RPS6KC1: variants seen among roughly 807,000 people sequenced by gnomAD.
RPS6KC1 encodes inactive ribosomal protein S6 kinase delta-1.
In RPS6KC1, 54 loss-of-function variants were observed where a neutral mutation model predicts 103.8. The ratio of observed to expected loss-of-function variants is 0.52; its 90% confidence interval spans 0.42 to 0.65. RPS6KC1 has a LOEUF of 0.65. Ranked by LOEUF, RPS6KC1 falls within the 30% of genes least tolerant of loss-of-function variation. The probability of loss-of-function intolerance (pLI) is 0.00; values close to 1 mark genes in which losing one functional copy is unlikely to be tolerated. For missense variants in RPS6KC1, 1,151 were observed against 1,253.8 expected, an observed-to-expected ratio of 0.92 and a Z score of 1.24; for synonymous variants, 439 against 438.7, an observed-to-expected ratio of 1.00 and a Z score of -0.01.
At chr1:213,527,846 T>C in the RPS6KC1 span, among the ~76,000 whole-genome samples, 4 of 152,120 alleles carry the variant, frequency 2.6e-5, no homozygotes, top group Non-Finnish European at 2.9e-5. Context: ...ATAATAGAAA[T>C]AGATGATGAA....
intron 6 of RPS6KC1, among the ~76,000 whole-genome samples, chr1:213,156,441 T>TA (rs2089897610): frequency 6.6e-6 from 1 of 152,168 alleles, no homozygotes; most frequent in Non-Finnish European, 1.5e-5. Flanking sequence ...AAATAATGCC[T>TA]GAAAGCTTTC....
the RPS6KC1 span, among the ~76,000 whole-genome samples, chr1:213,639,866 A>T: frequency 0.14 from 21,303 of 149,802 alleles, 2,372 homozygotes; most frequent in African/African-American, 0.31. Flanking sequence ...TTTTTTTTTC[A>T]TGTACTGTCT....
chr1:213,645,598 C>T, the RPS6KC1 span, among the ~76,000 whole-genome samples: 1 of 152,232 alleles, frequency 6.6e-6, no homozygotes, highest in Admixed American at 6.5e-5. Flanking sequence ...TGTACCTCTC[C>T]TGGATTATAT....
the RPS6KC1 span, among the ~76,000 whole-genome samples, chr1:213,851,046 C>T: frequency 6.6e-6 from 1 of 152,066 alleles, no homozygotes. Context: ...CCAAAGTAGC[C>T]AGTCCACCTC....
At chr1:213,622,992 G>A in the RPS6KC1 span, among the ~76,000 whole-genome samples, 42 of 152,038 alleles carry the variant, frequency 2.8e-4, no homozygotes, top group Non-Finnish European at 5.9e-5. Flanking sequence ...TTAATAATAG[G>A]GCCCGTCCTA....
At chr1:213,450,009 G>A in the RPS6KC1 span, among the ~76,000 whole-genome samples, 1 of 152,170 alleles carries the variant, frequency 6.6e-6, no homozygotes, top group Non-Finnish European at 1.5e-5. Flanking sequence ...AGATTCAGCA[G>A]GAGAACAGGA....
chr1:213,301,698 C>CTTATTTATTTATTTAT, the RPS6KC1 span, among the ~76,000 whole-genome samples: 2 of 141,162 alleles, frequency 1.4e-5, no homozygotes, highest in Non-Finnish European at 3.1e-5. Context: ...GACCCATTTA[C>CTTATTTATTTATTTAT]TTATTTATTT....
At chr1:213,700,728 C>A in the RPS6KC1 span, among the ~76,000 whole-genome samples, 1 of 151,862 alleles carries the variant, frequency 6.6e-6, no homozygotes. Context: ...TCTTAAATTT[C>A]TTTCATCAGT....
At chr1:213,346,486 T>C in the RPS6KC1 span, among the ~76,000 whole-genome samples, 1 of 152,136 alleles carries the variant, frequency 6.6e-6, no homozygotes, top group South Asian at 2.1e-4. Context: ...TAAATGAAGA[T>C]ACAGAAGTAT....
At chr1:213,395,932 G>A in the RPS6KC1 span, among the ~76,000 whole-genome samples, 5 of 152,220 alleles carry the variant, frequency 3.3e-5, no homozygotes, top group African/African-American at 9.6e-5. Flanking sequence ...TCCATAAAAG[G>A]AAGGCTCCGA....
At chr1:213,162,478 C>T (rs1161241351) in intron 6 of RPS6KC1, among the ~76,000 whole-genome samples, 2 of 152,004 alleles carry the variant, frequency 1.3e-5, no homozygotes, top group African/African-American at 2.4e-5. Flanking sequence ...AGATGGGGTC[C>T]CACTATGTTG....
chr1:213,374,015 A>T, the RPS6KC1 span, among the ~76,000 whole-genome samples: 2 of 152,192 alleles, frequency 1.3e-5, no homozygotes, highest in African/African-American at 2.4e-5. Context: ...TATAGGGAAT[A>T]AGAGTGGCAT....
the RPS6KC1 span, among the ~76,000 whole-genome samples, chr1:213,428,470 C>T: frequency 7.0e-5 from 3 of 43,140 alleles, no homozygotes; most frequent in Non-Finnish European, 1.2e-4. Context: ...TCTTTCCTCC[C>T]TCCCTCCCTC....
At chr1:213,746,500 G>C in the RPS6KC1 span, among the ~76,000 whole-genome samples, 2 of 152,210 alleles carry the variant, frequency 1.3e-5, no homozygotes, top group African/African-American at 2.4e-5. Context: ...CTGAGGGGCT[G>C]AATTCTGTAG....
At chr1:213,554,252 G>A in the RPS6KC1 span, among the ~76,000 whole-genome samples, 1 of 152,130 alleles carries the variant, frequency 6.6e-6, no homozygotes, top group Non-Finnish European at 1.5e-5. Context: ...TGGCTAACCA[G>A]CTCTCCCAGC....
At chr1:213,178,186 A>AAAATAAATAAAT (rs35813252) in intron 8 of RPS6KC1, among the ~76,000 whole-genome samples, 65 of 128,310 alleles carry the variant, frequency 5.1e-4, no homozygotes, top group Middle Eastern at 3.8e-3. Flanking sequence ...ACTCTGTCTC[A>AAAATAAATAAAT]AAATAAATAA....
the RPS6KC1 span, among the ~76,000 whole-genome samples, chr1:213,694,170 C>T: frequency 6.6e-6 from 1 of 152,240 alleles, no homozygotes; most frequent in African/African-American, 2.4e-5. Flanking sequence ...TGCTCAATCT[C>T]CTGCCTCTGC....
chr1:213,515,637 G>C, the RPS6KC1 span, among the ~76,000 whole-genome samples: 25 of 152,260 alleles, frequency 1.6e-4, no homozygotes, highest in South Asian at 2.1e-4. Context: ...CTGTAGCCTT[G>C]TAGTATAGTT....
chr1:213,475,847 G>A, the RPS6KC1 span, among the ~76,000 whole-genome samples: 1 of 152,158 alleles, frequency 6.6e-6, no homozygotes. Flanking sequence ...TTACCCTTTT[G>A]CTAGTTTACC....
Sources: gnomAD v4.1 joint callset for allele counts (sites outside exome capture counted in the v4.1 genomes callset) on GRCh38, gnomAD v4.1.1 for gene constraint, MANE v1.5 for transcripts, NCBI Gene and HGNC (gene_info 2026-07-23, HGNC 2026-07-21) for gene names.